The following NFAM1 variants were observed in gnomAD, a reference collection of about 807,000 sequenced individuals.
The protein encoded by NFAM1 is NFAT activation molecule 1.
NFAM1 carries 17 observed loss-of-function variants against 29.0 expected under a neutral mutation model. The observed-to-expected ratio is 0.59, with a 90% CI of 0.40 to 0.88. The LOEUF is 0.88. NFAM1 is among the 40% of genes least tolerant of loss of function. NFAM1 has a pLI of 0.00. For missense variants in NFAM1, 324 were observed against 344.6 expected (o/e 0.94, Z 0.47); for synonymous variants, 175 against 147.2 (o/e 1.19, Z -1.36).
At chr22:42,412,341 A>G (rs1480863924) in intron 1 of NFAM1, among the ~76,000 whole-genome samples, 1 of 152,136 alleles carries the variant, frequency 6.6e-6, no homozygotes, top group African/African-American at 2.4e-5. Context: ...TGCCAAGCAT[A>G]TTACGCACAC....
At chr22:42,408,717 A>AT (rs1042889928) in intron 3 of NFAM1, among the ~76,000 whole-genome samples, 4 of 152,206 alleles carry the variant, frequency 2.6e-5, no homozygotes, top group African/African-American at 9.6e-5. Flanking sequence ...ACAGGAATCC[A>AT]TAGGGCTGGG....
chr22:42,415,358 G>A (rs1158750456), intron 1 of NFAM1, among the ~76,000 whole-genome samples: 2 of 145,172 alleles, frequency 1.4e-5, no homozygotes, highest in Non-Finnish European at 1.5e-5. Flanking sequence ...GGAGTGCGAT[G>A]GCGCGATCTC....
intron 5 of NFAM1, 74 bp downstream of exon 5, chr22:42,386,914 GC>G (rs993348524): frequency 1.3e-5 from 10 of 780,926 alleles, no homozygotes; most frequent in Admixed American, 1.1e-4. Context: ...TGTCCCATTT[GC>G]CCCCCCACTT....
intron 1 of NFAM1, among the ~76,000 whole-genome samples, chr22:42,415,833 G>A (rs546272186): frequency 3.4e-4 from 51 of 152,206 alleles, no homozygotes; most frequent in Non-Finnish European, 6.6e-4. Flanking sequence ...TCATTTGTTT[G>A]TGCCTCCCAC....
intron 4 of NFAM1, among the ~76,000 whole-genome samples, chr22:42,391,593 G>A (rs537979091): frequency 2.0e-5 from 3 of 152,236 alleles, no homozygotes; most frequent in South Asian, 2.1e-4. Flanking sequence ...CCTGAGCAAC[G>A]GGAAGGATGG....
chr22:42,413,458 T>C (rs1356303556), intron 1 of NFAM1, among the ~76,000 whole-genome samples: 1 of 152,140 alleles, frequency 6.6e-6, no homozygotes, highest in African/African-American at 2.4e-5. Flanking sequence ...GCTGATATTT[T>C]GAGCTTCCTG....
rs1273732849 is a variant in NFAM1 at position 42,409,009 on chromosome 22, G to A, written c.564+426C>T. Reference sequence around the variant, plus strand: ...GAGGGTGTGTGGGAGGGTTGCTGGAGGGCGTGCGAGAGGGCGAGTGGGAGG... The same window carrying A: ...GAGGGTGTGTGGGAGGGTTGCTGGAAGGCGTGCGAGAGGGCGAGTGGGAGG... On this transcript the variant is annotated intron_variant, in intron 3 of 5. Transcript: ENST00000329021. This position sits in a 1 kb window ranked among gnomAD's most constrained non-coding sequence, Gnocchi z 4.9. 6.6e-6 allele frequency among the ~76,000 whole-genome samples: 1 copy of A among 151,842 alleles called. No homozygotes were observed. Among genetic ancestry groups the A allele is most frequent in the East Asian group, 1.9e-4 (1 of 5,178 alleles).
chr22:42,406,583 G>T (rs981836650), intron 3 of NFAM1, among the ~76,000 whole-genome samples: 1 of 151,968 alleles, frequency 6.6e-6, no homozygotes, highest in Non-Finnish European at 1.5e-5. Context: ...CCACTGGCAC[G>T]CCCAGCCCTG....
In NFAM1 at chr22:42,386,573, G is replaced by A. The variant is rs117820687; in HGVS notation, c.753+416C>T. Among the ~76,000 whole-genome samples, 857 of 152,228 alleles carry A rather than the reference G, an allele frequency of 5.6e-3. 17 individuals carry two copies. The East Asian group carries it at 0.071, about 13-fold the overall frequency. On this transcript the variant is annotated intron_variant, in intron 5 of 5. Transcript: ENST00000329021. ...AGACTTTAGCCAACACCAACCTGGG[G>A]GCAGCTGGAAGCCTAACACCCCTGT...
At chr22:42,417,060 C>A (rs539858632) in intron 1 of NFAM1, among the ~76,000 whole-genome samples, 1 of 152,168 alleles carries the variant, frequency 6.6e-6, no homozygotes, top group East Asian at 1.9e-4. Flanking sequence ...CAGCCTCCCC[C>A]GCACCTGACA....
At chr22:42,433,985 G>A (rs760724), upstream of NFAM1, among the ~76,000 whole-genome samples, 56 of 152,218 alleles carry the variant, frequency 3.7e-4, no homozygotes, top group Middle Eastern at 3.4e-3. Context: ...GGAGGCAGCT[G>A]AATGCCAAAC....
intron 1 of NFAM1, among the ~76,000 whole-genome samples, chr22:42,423,430 G>A (rs1930514202): frequency 1.3e-5 from 2 of 152,180 alleles, no homozygotes; most frequent in Admixed American, 1.3e-4. Context: ...GTAACAGAGT[G>A]AAACATGTTC....
chr22:42,390,910 C>T (rs1331640611), intron 4 of NFAM1, among the ~76,000 whole-genome samples: 3 of 151,830 alleles, frequency 2.0e-5, no homozygotes, highest in Non-Finnish European at 2.9e-5. Flanking sequence ...AGGCCCAGGG[C>T]GCTGACCTTG....
rs869262500 is a variant in NFAM1, at chr22:42,419,990, G to GTTTTTTT, written c.122-8261_122-8255dup. 1.3e-4 allele frequency among the ~76,000 whole-genome samples: 4 copies of GTTTTTTT among 30,552 alleles called. 1 individual carries two copies. The highest frequency in any genetic ancestry group is 5.4e-4 in the Admixed American group (1 of 1,856). The allele number at this position is 30,552 out of a possible 152,430, so 20.0% of individuals were successfully genotyped here. ...CTTTGAGTCTGTAATCCCACTCTTGGTTTTTTTTTTTTTTTTTTTTTTTTT... is the reference window on the plus strand; with the variant it reads ...CTTTGAGTCTGTAATCCCACTCTTGGTTTTTTTTTTTTTTTTTTTTTTTTTTTTTTTT... On this transcript the variant is annotated intron_variant, in intron 1 of 5. Coordinates refer to ENST00000329021, the MANE Select transcript of NFAM1 (RefSeq NM_145912.8). This position sits in a 1 kb window ranked among gnomAD's most constrained non-coding sequence, Gnocchi z 4.5.
At chr22:42,386,378 C>T (rs5996148) in intron 5 of NFAM1, among the ~76,000 whole-genome samples, 2 of 136,110 alleles carry the variant, frequency 1.5e-5, no homozygotes, top group Non-Finnish European at 3.1e-5. Context: ...TGTCTCAAAA[C>T]AAAAACAAAA....
chr22:42,415,533 T>A (rs1930233073), intron 1 of NFAM1, among the ~76,000 whole-genome samples: 1 of 152,020 alleles, frequency 6.6e-6, no homozygotes, highest in South Asian at 2.1e-4. Context: ...TCTCCTGACC[T>A]CGTGATCTGC....
At chr22:42,437,038 C>G, upstream of NFAM1, 4 of 980,302 alleles carry the variant, frequency 4.1e-6, no homozygotes, top group Non-Finnish European at 4.8e-6. Flanking sequence ...TTCTGGGAGG[C>G]AGCAAGGAGC....
intron 4 of NFAM1, among the ~76,000 whole-genome samples, chr22:42,397,016 G>A (rs557364626): frequency 1.3e-5 from 2 of 150,342 alleles, no homozygotes; most frequent in African/African-American, 2.4e-5. Context: ...GCGTGGAGTG[G>A]GGAGCCCACC....
chr22:42,437,145 T>TTGTC (rs1930961024), upstream of NFAM1: 2 of 237,760 alleles, frequency 8.4e-6, no homozygotes, highest in Non-Finnish European at 1.3e-5. Context: ...TTTTGTCTTT[T>TTGTC]TTTTTTTTTT....
Sources: allele counts gnomAD v4.1 joint callset (sites outside exome capture counted in the v4.1 genomes callset), GRCh38; gene constraint gnomAD v4.1.1; non-coding constraint Gnocchi (gnomAD v3.1); transcripts MANE v1.5; gene names NCBI Gene and HGNC (gene_info 2026-07-23, HGNC 2026-07-21).